Variants in PCDH11X observed in about 807,000 individuals in gnomAD.
PCDH11X encodes protocadherin-11 X-linked.
A neutral mutation model predicts 53.3 loss-of-function variants in PCDH11X; 18 were observed. The observed-to-expected ratio is 0.34, with a 90% CI of 0.23 to 0.50. The LOEUF (loss-of-function observed/expected upper bound fraction) is 0.50. PCDH11X is among the 20% of genes least tolerant of loss of function. The probability of loss-of-function intolerance (pLI) is 0.98; values close to 1 mark genes in which losing one functional copy is unlikely to be tolerated. For synonymous variants in PCDH11X, 279 were observed against 393.3 expected (o/e 0.71, Z 3.44); for missense variants, 570 against 1,032.4 (o/e 0.55, Z 6.14).
chrX:92,323,851 A>G (rs2069268046), intron 8 of PCDH11X, among the ~76,000 whole-genome samples: 1 of 111,568 alleles, frequency 9.0e-6, no homozygotes, highest in African/African-American at 3.3e-5. Context: ...CAACAATGGG[A>G]ATGAAATGGG....
chrX:92,556,752 C>T (rs1207707782), intron 10 of PCDH11X, among the ~76,000 whole-genome samples: 1 of 107,306 alleles, frequency 9.3e-6, no homozygotes, highest in Non-Finnish European at 1.9e-5. Flanking sequence ...CTCCACTAGG[C>T]AGTGCCCCAA....
intron 10 of PCDH11X, among the ~76,000 whole-genome samples, chrX:92,524,304 A>G (rs1381496141): frequency 9.1e-6 from 1 of 110,085 alleles, no homozygotes; most frequent in African/African-American, 3.3e-5. Context: ...ATCAAGACAT[A>G]AATCAGGTTA....
chrX:92,073,049 G>T (rs866295681), intron 6 of PCDH11X, among the ~76,000 whole-genome samples: 1 of 110,884 alleles, frequency 9.0e-6, no homozygotes, highest in Non-Finnish European at 1.9e-5. Context: ...GGCTGAGTTC[G>T]GCATTTATTT....
chrX:92,025,291 C>A (rs1429966377), intron 6 of PCDH11X, among the ~76,000 whole-genome samples: 5 of 107,603 alleles, frequency 4.6e-5, no homozygotes, highest in Admixed American at 9.9e-5. Context: ...AAAAAAAAAA[C>A]CAAACAACCC....
intron 6 of PCDH11X, among the ~76,000 whole-genome samples, chrX:92,070,066 A>G (rs766413115): frequency 9.0e-6 from 1 of 111,442 alleles, no homozygotes; most frequent in African/African-American, 3.3e-5. Flanking sequence ...CTACACTTTA[A>G]CTTCATCCCC....
At chrX:92,604,689 T>C (rs1926599276) in intron 10 of PCDH11X, among the ~76,000 whole-genome samples, 1 of 110,857 alleles carries the variant, frequency 9.0e-6, no homozygotes, top group Non-Finnish European at 1.9e-5. Flanking sequence ...TCTGAATATA[T>C]GCCTACAGTA....
intron 8 of PCDH11X, among the ~76,000 whole-genome samples, chrX:92,302,655 T>C (rs1603263221): frequency 2.7e-5 from 3 of 109,768 alleles, no homozygotes; most frequent in South Asian, 7.9e-4. Context: ...TATGTCACAC[T>C]GGGAAATTTT....
In PCDH11X at chrX:92,122,136, C is replaced by T. The variant is rs751695608; in HGVS notation, c.3034-79239C>T. Among the ~76,000 whole-genome samples, 4 of 109,163 alleles carry T rather than the reference C, an allele frequency of 3.7e-5. No individual in the cohort carries two copies. In the East Asian group the frequency reaches 8.7e-4, roughly 24 times the overall value. 94.8% of individuals were successfully genotyped at this position (109,163 alleles called of 115,157 possible). A position where few individuals can be genotyped will look rare whatever the true frequency, so the allele number is the denominator to read the frequency against. On this transcript the variant is annotated intron_variant, in intron 6 of 10. Coordinates refer to ENST00000682573, the MANE Select transcript of PCDH11X (RefSeq NM_032968.5). ...TAGCTGGGATTACAGGTGTCTGCCA[C>T]CACGCCCGGCTAATTTTTGCATTTT...
At position 91,878,282 on chromosome X, in the gene PCDH11X, C is replaced by G; in HGVS notation, c.2042C>G (p.Ser681Cys). The change falls in exon 6 of 11, where the codon TCT becomes TGT. Residue 681 changes from serine to cysteine, a missense_variant. Physicochemically the swap from Ser to Cys is moderately radical, Grantham distance 112. Transcript: ENST00000682573. ...PVFIVPPSNC[S>C]YELVLPSTNP... ...TTCATTGTCCCTCCTTCCAACTGTT[C>G]TTATGAATTGGTTCTACCGTCCACT... The G allele has an allele frequency of 1.7e-6, 2 of 1,211,646 alleles. No homozygotes were observed. The highest frequency in any genetic ancestry group is 2.2e-6 in the Non-Finnish European group (2 of 895,446).
intron 6 of PCDH11X, among the ~76,000 whole-genome samples, chrX:92,087,965 A>G (rs2063987434): frequency 9.4e-6 from 1 of 106,263 alleles, no homozygotes; most frequent in East Asian, 2.9e-4. Context: ...AGAAATATAT[A>G]TAAGAAATAT....
In PCDH11X at chrX:92,331,992, G is replaced by A. The variant is rs1468847058; in HGVS notation, c.3145-55743G>A. On this transcript the variant is annotated intron_variant, in intron 8 of 10. Transcript: ENST00000682573. Reference sequence around the variant, plus strand: ...ATGTAGTGTTCCATGAATAATGGACGTTCAAATAAATAGCATTATCTGGCA... The same window carrying A: ...ATGTAGTGTTCCATGAATAATGGACATTCAAATAAATAGCATTATCTGGCA... Among the ~76,000 whole-genome samples, 5 of 111,180 alleles carry A rather than the reference G, an allele frequency of 4.5e-5. 1 individual carries two copies. The highest frequency in any genetic ancestry group is 8.5e-3 in the Middle Eastern group (2 of 236).
chrX:91,848,067 A>G (rs1425654941), intron 5 of PCDH11X, among the ~76,000 whole-genome samples: 4 of 111,832 alleles, frequency 3.6e-5, no homozygotes, highest in Non-Finnish European at 7.5e-5. Flanking sequence ...CTAAATAGCC[A>G]TTTGTCTACA....
At chrX:92,067,699 C>A (rs1380276572) in intron 6 of PCDH11X, among the ~76,000 whole-genome samples, 1 of 111,649 alleles carries the variant, frequency 9.0e-6, no homozygotes, top group Non-Finnish European at 1.9e-5. Flanking sequence ...GCAACAGTCC[C>A]TCTTCCTCTA....
rs747440229 is a variant in PCDH11X, at chrX:92,127,814, C to A, written c.3034-73561C>A. 3.6e-5 allele frequency among the ~76,000 whole-genome samples: 4 copies of A among 111,305 alleles called. No individual in the cohort carries two copies. The East Asian group carries it at 1.1e-3, about 32-fold the overall frequency. ...GTGATTACAGGCATAAGCCACCACA[C>A]CCAGCCTTACCCTTCCCCCTTTCTA... On this transcript the variant is annotated intron_variant, in intron 6 of 10. Transcript: ENST00000682573.
chrX:91,981,034 A>ACAC (rs1173333279), intron 6 of PCDH11X, among the ~76,000 whole-genome samples: 1 of 102,939 alleles, frequency 9.7e-6, no homozygotes, highest in African/African-American at 3.5e-5. Flanking sequence ...ATATATATAT[A>ACAC]TACACTGAAT....
At chrX:92,200,114 AT>A (rs536606953) in intron 6 of PCDH11X, among the ~76,000 whole-genome samples, 43 of 110,481 alleles carry the variant, frequency 3.9e-4, no homozygotes, top group East Asian at 1.4e-3. Context: ...TTTTAAATTA[AT>A]TTTTTTTTCT....
intron 10 of PCDH11X, among the ~76,000 whole-genome samples, chrX:92,473,885 A>T (rs1461089711): frequency 9.0e-6 from 1 of 111,701 alleles, no homozygotes; most frequent in Admixed American, 9.5e-5. Context: ...TTCCTTGAGA[A>T]TGATCTATTT....
intron 5 of PCDH11X, among the ~76,000 whole-genome samples, chrX:91,869,944 GC>G (rs1248397325): frequency 5.4e-5 from 6 of 111,757 alleles, no homozygotes; most frequent in Non-Finnish European, 1.1e-4. Context: ...GAATTATTAT[GC>G]ATGCTAGTAA....
chrX:92,095,460 T>C (rs189678704), intron 6 of PCDH11X, among the ~76,000 whole-genome samples: 1 of 111,540 alleles, frequency 9.0e-6, no homozygotes, highest in Non-Finnish European at 1.9e-5. Context: ...TATTTCATTC[T>C]GGGGCTAGTA....
Sources: allele counts gnomAD v4.1 joint callset (sites outside exome capture counted in the v4.1 genomes callset), GRCh38; gene constraint gnomAD v4.1.1; transcripts MANE v1.5; gene names NCBI Gene and HGNC (gene_info 2026-07-23, HGNC 2026-07-21).